ZNF699: variants seen among roughly 807,000 people sequenced by gnomAD.
ZNF699 encodes zinc finger protein 699, also known as hangover homolog.
In ZNF699, 18 loss-of-function variants were observed where a neutral mutation model predicts 22.5. The ratio of observed to expected loss-of-function variants is 0.80; its 90% CI spans 0.55 to 1.19. The LOEUF is 1.19. ZNF699 is among the 50% of genes most tolerant of loss of function. The pLI, the probability that ZNF699 is intolerant of heterozygous loss-of-function variation, is 0.00. For synonymous variants in ZNF699, 241 were observed against 262.3 expected (o/e 0.92, Z 0.78); for missense variants, 670 against 763.4 (o/e 0.88, Z 1.44).
intron 1 of ZNF699, among the ~76,000 whole-genome samples, chr19:9,306,129 C>T (rs2066326960): frequency 6.6e-6 from 1 of 152,016 alleles, no homozygotes; most frequent in Non-Finnish European, 1.5e-5. Context: ...CATGGTGGCT[C>T]ACGCCTGTAA....
chr19:9,301,055 C>T (rs867323521), intron 3 of ZNF699, among the ~76,000 whole-genome samples: 94 of 151,410 alleles, frequency 6.2e-4, no homozygotes, highest in Middle Eastern at 3.4e-3. Flanking sequence ...AGAGGTTATA[C>T]GGGAAATCTC....
intron 1 of ZNF699, among the ~76,000 whole-genome samples, chr19:9,305,419 T>C (rs558477954): frequency 6.6e-6 from 1 of 152,340 alleles, no homozygotes; most frequent in African/African-American, 2.4e-5. Flanking sequence ...AAGAGTGCTA[T>C]TTTGTAAGTT....
rs760240030 is a variant in ZNF699 at position 9,295,765 on chromosome 19, T to C, written c.1639A>G (p.Arg547Gly). The C allele has an allele frequency of 1.2e-6, 2 of 1,612,360 alleles. No homozygotes were observed. The highest frequency in any genetic ancestry group is 2.2e-5 in the South Asian group (2 of 90,988). ...GKAFIYPSAL[R>G]IHMRTHTGEK... ...CCAGTGTGCGTTCTCATGTGGATCC[T>C]AAGGGCTGAGGGATAAATAAAGGCT... Residue 547 changes from arginine (R) to glycine (G), a missense_variant, in exon 6 of 6, where the codon AGG (arginine) becomes GGG (glycine). Physicochemically the swap from Arg to Gly is moderately radical, Grantham distance 125. Transcript: ENST00000591998.
intron 2 of ZNF699, among the ~76,000 whole-genome samples, 186 bp downstream of exon 2, chr19:9,304,886 G>A (rs1449820199): frequency 1.4e-5 from 2 of 143,934 alleles, no homozygotes; most frequent in Non-Finnish European, 3.0e-5. Context: ...TGGTGCCACT[G>A]CACTCCAGCC....
Position 9,295,842 on chromosome 19 carries a change from T to A in ZNF699, c.1562A>T (p.His521Leu), listed in dbSNP as rs1599249788. The A allele has an allele frequency of 2.5e-6, 4 of 1,614,214 alleles. No homozygotes were observed. The East Asian group carries it at 8.9e-5, about 36-fold the overall frequency. The change falls in exon 6 of 6, where the codon CAT (histidine) becomes CTT (leucine). Residue 521 changes from histidine (H) to leucine (L), a missense_variant. His to Leu is a moderately conservative substitution (Grantham distance 99, BLOSUM62 -3). Transcript: ENST00000591998. Reference sequence around the variant, plus strand: ...TTTCTCTCCAGTGTGAGTTCTGATATGTACTGTAAGGTGGGAGGAACTAAT... The same window carrying A: ...TTTCTCTCCAGTGTGAGTTCTGATAAGTACTGTAAGGTGGGAGGAACTAAT... ...AFISSSHLTVHIRTHTGEKPY... is the reference protein window; with the variant it reads ...AFISSSHLTVLIRTHTGEKPY...
rs1292068319 is a variant in ZNF699, at chr19:9,307,689, C to T, written c.-6+1661G>A. 3.9e-5 allele frequency among the ~76,000 whole-genome samples: 6 copies of T among 152,046 alleles called. No individual in the cohort carries two copies. The East Asian group carries it at 1.2e-3, about 29-fold the overall frequency. On this transcript the variant is annotated intron_variant, in intron 1 of 5. Coordinates refer to ENST00000591998, the MANE Select transcript of ZNF699 (RefSeq NM_198535.3). ...ACTGGCCAGGCACGGTGGCTCACAC[C>T]TGTAATCCCAGCACTTTGGGAGGCC... is the stretch of plus-strand genomic sequence containing the variant.
chr19:9,297,116 A>G lies in ZNF699; in HGVS notation c.470+180T>C, dbSNP rs1413928336. Among the ~76,000 whole-genome samples the G allele has an allele frequency of 6.6e-6, 1 of 152,210 alleles. No homozygotes were observed. The highest frequency in any genetic ancestry group is 1.5e-5 in the Non-Finnish European group (1 of 68,038). On this transcript the variant is annotated intron_variant, in intron 5 of 5. Transcript: ENST00000591998. The surrounding 1 kb of genome is among the most constrained non-coding windows in gnomAD (Gnocchi z 4.3). The stretch of plus-strand genomic sequence containing the variant: ...TCTGATAATTGTTTACAACTGAAGT[A>G]TGTGTCAAACATTCAAAATCCCGGT...
In ZNF699 at chr19:9,296,900, A is replaced by G. The variant is rs770100244; in HGVS notation, c.504T>C (p.Tyr168=). The G allele has an allele frequency of 1.2e-6, 2 of 1,611,642 alleles. No homozygotes were observed. The highest frequency in any genetic ancestry group is 1.7e-6 in the Non-Finnish European group (2 of 1,177,888). The change falls in exon 6 of 6, where the codon TAT becomes TAC. Residue 168 remains tyrosine, a synonymous_variant. Coordinates refer to ENST00000591998, the MANE Select transcript of ZNF699 (RefSeq NM_198535.3). ...AAGTCTGTCCATCTTGATTTTCTTC[A>G]TAACATTCATAGATGTTCTCTACCA... The part of the protein sequence containing the change: ...NHMVENIYEC[Y]EENQDGQTFS...
In ZNF699 at chr19:9,296,024, C is replaced by T. The variant is rs775690636; in HGVS notation, c.1380G>A (p.Ser460=). Residue 460 remains serine, a synonymous_variant, in exon 6 of 6, where the codon TCG becomes TCA. Coordinates refer to ENST00000591998, the MANE Select transcript of ZNF699 (RefSeq NM_198535.3). ...GATCTCTCACATGTGCTCTAAAGGACGAGGGACAACTAAAGGCCTTCCCAC... is the reference window on the plus strand; with the variant it reads ...GATCTCTCACATGTGCTCTAAAGGATGAGGGACAACTAAAGGCCTTCCCAC... ...KECGKAFSCP[S]SFRAHVRDHT... is the part of the protein sequence containing the mutation. The T allele has an allele frequency of 4.2e-5, 67 of 1,609,988 alleles. No homozygotes were observed. The highest frequency in any genetic ancestry group is 4.8e-5 in the Non-Finnish European group (57 of 1,178,910).
rs772305741 is a variant in ZNF699, at chr19:9,297,965, C to T, written c.201G>A (p.Leu67=). The part of the protein sequence containing the change: ...SLGYPLHTPH[L]ISQWEQEEDL... ...CCTCCTCTTGTTCCCACTGGGAGAT[C>T]AGATGGGGTGTGTGTAGCGGATACC... Residue 67 remains leucine (L), a synonymous_variant, in exon 4 of 6, where the codon CTG becomes CTA. Coordinates refer to ENST00000591998, the MANE Select transcript of ZNF699 (RefSeq NM_198535.3). The surrounding 1 kb of genome is among the most constrained non-coding windows in gnomAD (Gnocchi z 4.3). 4 of 1,613,288 alleles carry T rather than the reference C, an allele frequency of 2.5e-6. No individual in the cohort carries two copies. The highest frequency in any genetic ancestry group is 2.2e-5 in the East Asian group (1 of 44,782).
chr19:9,304,650 G>T (rs2066320231), intron 2 of ZNF699, among the ~76,000 whole-genome samples: 1 of 152,244 alleles, frequency 6.6e-6, no homozygotes. Context: ...GGCCGGCCGG[G>T]CACGGTGGCT....
chr19:9,307,946 C>CAA lies in ZNF699; in HGVS notation c.-6+1402_-6+1403dup, dbSNP rs747641771. Reference sequence around the variant, plus strand: ...TGGGAGACACAGCGAGACTCTGTCTCAAAAAAAAAAAAAAAAATCGGTATT... The same window carrying CAA: ...TGGGAGACACAGCGAGACTCTGTCTCAAAAAAAAAAAAAAAAAAATCGGTATT... On this transcript the variant is annotated intron_variant, in intron 1 of 5. Transcript: ENST00000591998. Among the ~76,000 whole-genome samples, 356 of 65,042 alleles carry CAA rather than the reference C, an allele frequency of 5.5e-3. 3 individuals are homozygous for CAA. The highest frequency in any genetic ancestry group is 0.017 in the African/African-American group (317 of 18,726). The allele number at this position is 65,042 out of a possible 152,430, so 42.7% of individuals were successfully genotyped here.
intron 3 of ZNF699, 141 bp from the exon 4 acceptor site, chr19:9,298,131 ATTTAT>A (rs2066293924): frequency 3.6e-6 from 2 of 553,462 alleles, no homozygotes; most frequent in Non-Finnish European, 6.3e-6. Context: ...TGTCAAATTT[ATTTAT>A]TTTTTTTTTT....
In ZNF699 at chr19:9,297,260, C is replaced by A. The variant is rs1047469189; in HGVS notation, c.470+36G>T. ...ATGACTTTAATTTTAAGATTCTCTC[C>A]TGAGGCACTTTCTCTTTCTCACGAA... is the stretch of plus-strand genomic sequence containing the variant. On this transcript the variant is annotated intron_variant, in intron 5 of 5. Coordinates refer to ENST00000591998, the MANE Select transcript of ZNF699 (RefSeq NM_198535.3). The surrounding 1 kb of genome is among the most constrained non-coding windows in gnomAD (Gnocchi z 4.3). 6 of 1,545,618 alleles carry A rather than the reference C, an allele frequency of 3.9e-6. No individual in the cohort carries two copies. The highest frequency in any genetic ancestry group is 1.4e-5 in the African/African-American group (1 of 70,626).
chr19:9,309,750 C>G lies in ZNF699; in HGVS notation c.-406G>C, dbSNP rs972597559. On this transcript the variant is annotated 5_prime_UTR_variant, in exon 1 of 6. Coordinates refer to ENST00000591998, the MANE Select transcript of ZNF699 (RefSeq NM_198535.3). ...CCGGGGCAGGCAGGGCGGGGCGGGG[C>G]AGGGCAGGACAGGAAGCGGGCGGAG... The G allele has an allele frequency of 6.6e-6, 1 of 152,548 alleles. No homozygotes were observed. The highest frequency in any genetic ancestry group is 1.5e-5 in the Non-Finnish European group (1 of 68,324). The allele number at this position is 152,548 out of a possible 1,614,324, so 9.4% of individuals were successfully genotyped here.
At chr19:9,305,724 T>C (rs1036983734) in intron 1 of ZNF699, among the ~76,000 whole-genome samples, 1 of 151,494 alleles carries the variant, frequency 6.6e-6, no homozygotes, top group Non-Finnish European at 1.5e-5. Flanking sequence ...TTTTTTGAGA[T>C]GGAGTCTTGC....
At chr19:9,302,844 G>A (rs887839438) in intron 2 of ZNF699, among the ~76,000 whole-genome samples, 2 of 152,102 alleles carry the variant, frequency 1.3e-5, no homozygotes, top group Non-Finnish European at 2.9e-5. Flanking sequence ...AGAACATAGT[G>A]AGAATCAGTC....
rs1459929516 is a variant in ZNF699 at position 9,297,418 on chromosome 19, T to C, written c.348A>G (p.Lys116=). 1.3e-6 allele frequency: 2 copies of C among 1,599,252 alleles called. No individual in the cohort carries two copies. The highest frequency in any genetic ancestry group is 1.7e-6 in the Non-Finnish European group (2 of 1,177,134). ...SVASQDICGE[K]ISNEQKIVRF... Reference sequence around the variant, plus strand: ...TTACTATTTTCTGTTCATTGGATATTTTTTCTCCACAAATATCTTGTGAAG... The same window carrying C: ...TTACTATTTTCTGTTCATTGGATATCTTTTCTCCACAAATATCTTGTGAAG... Residue 116 remains lysine, a synonymous_variant, in exon 5 of 6, where the codon AAA becomes AAG. Transcript: ENST00000591998. This position sits in a 1 kb window ranked among gnomAD's most constrained non-coding sequence, Gnocchi z 4.3.
intron 3 of ZNF699, among the ~76,000 whole-genome samples, chr19:9,300,423 A>G (rs1254021083): frequency 6.6e-6 from 1 of 152,222 alleles, no homozygotes; most frequent in East Asian, 1.9e-4. Flanking sequence ...CATAAAATCC[A>G]GCAACTGAAT....
Sources: gnomAD v4.1 joint callset for allele counts (sites outside exome capture counted in the v4.1 genomes callset) on GRCh38, gnomAD v4.1.1 for gene constraint, Gnocchi (gnomAD v3.1) non-coding constraint, MANE v1.5 for transcripts, NCBI Gene and HGNC (gene_info 2026-07-23, HGNC 2026-07-21) for gene names.